L3MBTL4: variants seen among roughly 807,000 people sequenced by gnomAD.
L3MBTL4 encodes lethal(3)malignant brain tumor-like protein 4.
A neutral mutation model predicts 84.5 loss-of-function variants in L3MBTL4; 70 were observed. The observed-to-expected ratio is 0.83, with a 90% CI of 0.68 to 1.01. L3MBTL4 has a LOEUF of 1.01. Among genes scored for constraint, L3MBTL4 ranks in the 50% least tolerant of loss-of-function variants. The pLI, the probability that L3MBTL4 is intolerant of heterozygous loss-of-function variation, is 0.00. For missense variants in L3MBTL4, 715 were observed against 754.8 expected, an observed-to-expected ratio of 0.95 and a Z score of 0.62; for synonymous variants, 274 against 259.8, an observed-to-expected ratio of 1.05 and a Z score of -0.52.
intron 14 of L3MBTL4, among the ~76,000 whole-genome samples, chr18:6,130,207 C>A (rs2144510019): frequency 6.6e-6 from 1 of 152,248 alleles, no homozygotes; most frequent in Non-Finnish European, 1.5e-5. Context: ...ATGTCCAGTT[C>A]AGGTGAGTTC....
In L3MBTL4 at chr18:6,371,928, G is replaced by A. The variant is rs74568977; in HGVS notation, c.-91+42873C>T. On this transcript the variant is annotated intron_variant, in intron 1 of 18. Coordinates refer to ENST00000317931, the MANE Select transcript of L3MBTL4 (RefSeq NM_001330559.2). ...GCCTCTCTTCAATGTCTACCTTGAC[G>A]CAATGAACACAGGCCTGAAGCCATA... is the stretch of plus-strand genomic sequence containing the variant. Among the ~76,000 whole-genome samples, 1,050 of 152,162 alleles carry A rather than the reference G, an allele frequency of 6.9e-3. 25 individuals are homozygous for A. In the East Asian group the frequency reaches 0.1, roughly 15 times the overall value.
intron 18 of L3MBTL4, among the ~76,000 whole-genome samples, chr18:5,956,910 ATT>A (rs11333347): frequency 2.8e-4 from 42 of 151,086 alleles, no homozygotes; most frequent in African/African-American, 9.2e-4. Flanking sequence ...TGATTTAGGA[ATT>A]TTTTTTTTAT....
chr18:6,303,627 A>C (rs993486513), intron 3 of L3MBTL4, among the ~76,000 whole-genome samples: 2 of 152,188 alleles, frequency 1.3e-5, no homozygotes, highest in Non-Finnish European at 2.9e-5. Context: ...TGTCAGTCCC[A>C]GTCTGCATGG....
At chr18:6,212,124 T>C (rs2046133788) in intron 12 of L3MBTL4, among the ~76,000 whole-genome samples, 1 of 152,204 alleles carries the variant, frequency 6.6e-6, no homozygotes, top group African/African-American at 2.4e-5. Context: ...AGAAGGTATA[T>C]GGTAAAATAC....
At chr18:6,213,335 TA>T in intron 11 of L3MBTL4, 76 bp from the exon 12 acceptor site, 1 of 749,520 alleles carries the variant, frequency 1.3e-6, no homozygotes, top group Non-Finnish European at 2.2e-6. Flanking sequence ...TTTTCTAAAA[TA>T]CTACTGTTTT....
At chr18:6,019,313 G>C (rs1000445443) in intron 16 of L3MBTL4, among the ~76,000 whole-genome samples, 3 of 152,054 alleles carry the variant, frequency 2.0e-5, no homozygotes, top group African/African-American at 7.2e-5. Flanking sequence ...CCTAAGTTGT[G>C]GTAAAATAAG....
intron 16 of L3MBTL4, among the ~76,000 whole-genome samples, chr18:6,063,590 T>C (rs1202082257): frequency 6.6e-6 from 1 of 151,670 alleles, no homozygotes; most frequent in East Asian, 1.9e-4. Flanking sequence ...TCTCATTGCA[T>C]TTCCCTGATG....
intron 13 of L3MBTL4, among the ~76,000 whole-genome samples, chr18:6,156,507 A>G (rs575590704): frequency 6.7e-6 from 1 of 149,618 alleles, no homozygotes; most frequent in Non-Finnish European, 1.5e-5. Context: ...ATATAGATAC[A>G]TAACAATTGC....
chr18:6,036,062 AT>A (rs780476185), intron 16 of L3MBTL4, among the ~76,000 whole-genome samples: 22 of 152,198 alleles, frequency 1.4e-4, no homozygotes, highest in Non-Finnish European at 2.5e-4. Context: ...CTGACGAGAA[AT>A]TTGAGGATAA....
chr18:6,244,254 C>T (rs2047566410), intron 6 of L3MBTL4, among the ~76,000 whole-genome samples: 1 of 152,054 alleles, frequency 6.6e-6, no homozygotes, highest in African/African-American at 2.4e-5. Flanking sequence ...AAATTATTTA[C>T]CAATTAAGTC....
intron 12 of L3MBTL4, among the ~76,000 whole-genome samples, chr18:6,187,908 G>A (rs1599067074): frequency 6.9e-6 from 1 of 144,950 alleles, no homozygotes; most frequent in Non-Finnish European, 1.5e-5. Flanking sequence ...CTACAATTTT[G>A]TGTGTAGTGA....
intron 13 of L3MBTL4, among the ~76,000 whole-genome samples, chr18:6,157,087 C>A (rs1355556316): frequency 6.6e-6 from 1 of 152,128 alleles, no homozygotes; most frequent in African/African-American, 2.4e-5. Context: ...TTATTTTTTT[C>A]TCGATAAGTC....
chr18:6,151,770 A>G (rs986448848), intron 13 of L3MBTL4, among the ~76,000 whole-genome samples: 2 of 152,218 alleles, frequency 1.3e-5, no homozygotes, highest in African/African-American at 4.8e-5. Context: ...AAACATATAT[A>G]TTGTGTGATG....
intron 16 of L3MBTL4, among the ~76,000 whole-genome samples, chr18:5,984,956 T>G (rs1249164383): frequency 1.3e-5 from 2 of 152,138 alleles, no homozygotes; most frequent in Admixed American, 6.5e-5. Flanking sequence ...TCTTAATGAC[T>G]AGGAAAACAT....
intron 11 of L3MBTL4, among the ~76,000 whole-genome samples, chr18:6,214,910 C>A (rs559918083): frequency 3.0e-4 from 46 of 152,244 alleles, no homozygotes; most frequent in African/African-American, 8.9e-4. Flanking sequence ...GCTTGCTGAA[C>A]CTTTGCTCTT....
chr18:6,097,148 G>C lies in L3MBTL4; in HGVS notation c.1200-3620C>G, dbSNP rs577806235. ...TTCTACCAAATAATTTACCAAAAAT[G>C]TCAGCCCCAACCTCATCAACAGTGA... On this transcript the variant is annotated intron_variant, in intron 14 of 18. Transcript: ENST00000317931. 3.7e-4 allele frequency among the ~76,000 whole-genome samples: 56 copies of C among 152,328 alleles called. 2 individuals carry two copies. In the South Asian group the frequency reaches 5.4e-3, roughly 15 times the overall value.
chr18:6,312,548 C>T (rs1425465769), intron 1 of L3MBTL4, among the ~76,000 whole-genome samples: 1 of 152,126 alleles, frequency 6.6e-6, no homozygotes, highest in Non-Finnish European at 1.5e-5. Context: ...GAGCACCAAG[C>T]CAAGGGGCAA....
intron 1 of L3MBTL4, among the ~76,000 whole-genome samples, chr18:6,389,138 C>A (rs370432607): frequency 6.6e-6 from 1 of 152,138 alleles, no homozygotes; most frequent in Non-Finnish European, 1.5e-5. Flanking sequence ...TGGGGTCCTA[C>A]CTTTACCCTC....
chr18:6,257,345 G>C (rs978310991), intron 5 of L3MBTL4, among the ~76,000 whole-genome samples: 1 of 152,052 alleles, frequency 6.6e-6, no homozygotes, highest in East Asian at 1.9e-4. Flanking sequence ...TTCACCGAGA[G>C]ACAAAATACA....
Sources: gnomAD v4.1 joint callset for allele counts (sites outside exome capture counted in the v4.1 genomes callset) on GRCh38, gnomAD v4.1.1 for gene constraint, MANE v1.5 for transcripts, NCBI Gene and HGNC (gene_info 2026-07-23, HGNC 2026-07-21) for gene names.